CTCF: variants seen among roughly 807,000 people sequenced by gnomAD.
The protein encoded by CTCF is transcriptional repressor CTCF.
In CTCF, 7 loss-of-function variants were observed where a neutral mutation model predicts 72.3. The ratio of observed to expected loss-of-function variants is 0.10; its 90% CI spans 0.06 to 0.18. The LOEUF (loss-of-function observed/expected upper bound fraction) is 0.18, where lower values mean the gene tolerates loss of function less well. Ranked by LOEUF, CTCF falls within the 10% of genes least tolerant of loss-of-function variation. The probability of loss-of-function intolerance (pLI) is 1.00; values close to 1 mark genes in which losing one functional copy is unlikely to be tolerated. For missense variants in CTCF, 516 were observed against 949.1 expected, an observed-to-expected ratio of 0.54 and a Z score of 6.00; for synonymous variants, 374 against 315.8, an observed-to-expected ratio of 1.18 and a Z score of -1.95.
chr16:67,598,308 C>T (rs760065210), intron 2 of CTCF, among the ~76,000 whole-genome samples: 1 of 152,000 alleles, frequency 6.6e-6, no homozygotes, highest in African/African-American at 2.4e-5. Context: ...TCAAATAGAC[C>T]CTGCACATTT....
chr16:67,631,292 G>C (rs986550040), intron 10 of CTCF, among the ~76,000 whole-genome samples: 1 of 151,724 alleles, frequency 6.6e-6, no homozygotes, highest in African/African-American at 2.4e-5. Flanking sequence ...AGCTTCCCAG[G>C]TAGCTGGGAT....
At position 67,598,760 on chromosome 16, in the gene CTCF, C is replaced by G. The variant is rs74749211; in HGVS notation, c.-9-12064C>G. Among the ~76,000 whole-genome samples, 527 of 152,340 alleles carry G rather than the reference C, an allele frequency of 3.5e-3. 3 individuals carry two copies. The highest frequency in any genetic ancestry group is 0.012 in the African/African-American group (483 of 41,586). ...ATAAGGCCGTGTGGCCCAAGTATAC[C>G]CAGCTTTCTGATGGTCTGGCATAAT... On this transcript the variant is annotated intron_variant, in intron 2 of 11. Transcript: ENST00000264010.
intron 1 of CTCF, chr16:67,563,188 A>G (rs1384133426): frequency 6.6e-6 from 1 of 151,930 alleles, no homozygotes; most frequent in Non-Finnish European, 1.5e-5. Flanking sequence ...GTTCGGACCG[A>G]CTGCCGCCGC....
chr16:67,590,350 A>G (rs1029903879), intron 2 of CTCF, among the ~76,000 whole-genome samples: 4 of 152,054 alleles, frequency 2.6e-5, no homozygotes, highest in South Asian at 2.1e-4. Flanking sequence ...TGTTTTGACC[A>G]TACCCTTTAA....
intron 2 of CTCF, among the ~76,000 whole-genome samples, chr16:67,601,758 T>C (rs1307095588): frequency 6.6e-6 from 1 of 152,168 alleles, no homozygotes; most frequent in African/African-American, 2.4e-5. Flanking sequence ...CTCAACTTCT[T>C]GGAAGCACAG....
At chr16:67,592,598 G>A (rs1433087790) in intron 2 of CTCF, among the ~76,000 whole-genome samples, 4 of 151,488 alleles carry the variant, frequency 2.6e-5, no homozygotes, top group African/African-American at 4.8e-5. Flanking sequence ...CCAGCCACTC[G>A]GGAGGCTGAG....
chr16:67,604,500 G>A lies in CTCF; in HGVS notation c.-9-6324G>A, dbSNP rs556083183. ...TGGGACTATAGGCATCCGCCACCAC[G>A]CCCGGCTAATTTTTGTATTTTTAGT... On this transcript the variant is annotated intron_variant, in intron 2 of 11. Coordinates refer to ENST00000264010, the MANE Select transcript of CTCF (RefSeq NM_006565.4). 9.9e-5 allele frequency among the ~76,000 whole-genome samples: 15 copies of A among 151,824 alleles called. No homozygotes were observed. In the South Asian group the frequency reaches 1.0e-3, roughly 11 times the overall value.
At chr16:67,566,335 C>G (rs1479881477) in intron 1 of CTCF, among the ~76,000 whole-genome samples, 1 of 151,378 alleles carries the variant, frequency 6.6e-6, no homozygotes, top group Non-Finnish European at 1.5e-5. Context: ...GAGACCCCAT[C>G]TTTACCAAAA....
intron 2 of CTCF, among the ~76,000 whole-genome samples, chr16:67,606,609 T>C (rs1341505315): frequency 1.3e-5 from 2 of 152,206 alleles, no homozygotes; most frequent in Admixed American, 1.3e-4. Context: ...TTAAGGAGTC[T>C]TCTCTGACTG....
chr16:67,586,082 C>T (rs2051665203), intron 2 of CTCF, among the ~76,000 whole-genome samples: 1 of 152,140 alleles, frequency 6.6e-6, no homozygotes, highest in African/African-American at 2.4e-5. Context: ...TGACAAATTA[C>T]TTGTTTTAAT....
chr16:67,592,980 C>G (rs535171474), intron 2 of CTCF, among the ~76,000 whole-genome samples: 1 of 151,150 alleles, frequency 6.6e-6, no homozygotes, highest in Non-Finnish European at 1.5e-5. Context: ...GAGCCGAGAT[C>G]GCGCCACTGC....
At chr16:67,578,660 C>G (rs1262350374) in intron 2 of CTCF, among the ~76,000 whole-genome samples, 1 of 151,648 alleles carries the variant, frequency 6.6e-6, no homozygotes. Flanking sequence ...TAAAAAAGCA[C>G]AAATAGGCCG....
chr16:67,613,558 T>C (rs2052088490), intron 4 of CTCF, among the ~76,000 whole-genome samples: 1 of 152,188 alleles, frequency 6.6e-6, no homozygotes, highest in African/African-American at 2.4e-5. Context: ...GTAGATGACC[T>C]GAGGCCAGGA....
intron 2 of CTCF, among the ~76,000 whole-genome samples, chr16:67,591,686 TC>T (rs2051745613): frequency 6.6e-6 from 1 of 152,146 alleles, no homozygotes; most frequent in South Asian, 2.1e-4. Flanking sequence ...ACTTAGCTTT[TC>T]CTTTCATCCT....
chr16:67,626,937 A>T, intron 8 of CTCF: 1 of 363,206 alleles, frequency 2.8e-6, no homozygotes, highest in Non-Finnish European at 4.9e-6. Flanking sequence ...CCTTAAGCAG[A>T]CATCTTTCTG....
chr16:67,607,230 TACA>T (rs2051986286), intron 2 of CTCF, among the ~76,000 whole-genome samples: 1 of 152,182 alleles, frequency 6.6e-6, no homozygotes, highest in African/African-American at 2.4e-5. Flanking sequence ...ATGCTGGGAT[TACA>T]GGCCTGAGCC....
At chr16:67,633,432 C>T (rs1007363534) in intron 10 of CTCF, among the ~76,000 whole-genome samples, 16 of 152,138 alleles carry the variant, frequency 1.1e-4, no homozygotes, top group African/African-American at 3.6e-4. Flanking sequence ...TCATGTACCA[C>T]TTATTTTACC....
At chr16:67,609,624 C>CTTTT (rs921342687) in intron 2 of CTCF, among the ~76,000 whole-genome samples, 2 of 135,416 alleles carry the variant, frequency 1.5e-5, no homozygotes, top group Non-Finnish European at 3.2e-5. Context: ...CCTGATAATT[C>CTTTT]TTTTTTTTTT....
chr16:67,583,049 A>G (rs981352161), intron 2 of CTCF, among the ~76,000 whole-genome samples: 3 of 143,854 alleles, frequency 2.1e-5, no homozygotes, highest in African/African-American at 7.8e-5. Flanking sequence ...CAGTGGTGCG[A>G]TCTCGGCTCA....
Sources: gnomAD v4.1 joint callset for allele counts (sites outside exome capture counted in the v4.1 genomes callset) on GRCh38, gnomAD v4.1.1 for gene constraint, MANE v1.5 for transcripts, NCBI Gene and HGNC (gene_info 2026-07-23, HGNC 2026-07-21) for gene names.